The following SLC14A2 variants were observed in gnomAD, a reference collection of about 807,000 sequenced individuals.
SLC14A2 encodes solute carrier family 14 member 2, also known as urea transporter 2.
In SLC14A2, 91 loss-of-function variants were observed where a neutral mutation model predicts 104.6. That is an observed-to-expected ratio of 0.87 (90% CI 0.73 to 1.04). SLC14A2 has a LOEUF of 1.04. SLC14A2 is among the 50% of genes least tolerant of loss of function. The pLI is 0.00. For synonymous variants in SLC14A2, 476 were observed against 466.4 expected (o/e 1.02, Z -0.27); for missense variants, 1,189 against 1,156.0 (o/e 1.03, Z -0.41).
intron 1 of SLC14A2, among the ~76,000 whole-genome samples, chr18:45,451,026 C>T (rs1258646634): frequency 6.6e-6 from 1 of 152,174 alleles, no homozygotes; most frequent in Non-Finnish European, 1.5e-5. Context: ...TCCCAAGAGC[C>T]ATTGGTTTGA....
chr18:45,524,826 C>T (rs1568258779), intron 2 of SLC14A2, among the ~76,000 whole-genome samples: 1 of 152,154 alleles, frequency 6.6e-6, no homozygotes, highest in Non-Finnish European at 1.5e-5. Flanking sequence ...CATGGCCCCA[C>T]CAGCCCCTGC....
intron 1 of SLC14A2, among the ~76,000 whole-genome samples, chr18:45,235,825 A>G (rs546567630): frequency 3.4e-4 from 36 of 106,560 alleles, no homozygotes; most frequent in African/African-American, 1.2e-3. Context: ...ATATATATAT[A>G]TATATACGTG....
intron 2 of SLC14A2, 110 bp downstream of exon 2, chr18:45,624,924 T>C: frequency 8.8e-7 from 1 of 1,133,756 alleles, no homozygotes; most frequent in Non-Finnish European, 1.3e-6. Context: ...ACTGAGGAAG[T>C]GCCACTGTCA....
intron 2 of SLC14A2, among the ~76,000 whole-genome samples, chr18:45,523,706 C>A (rs2043551201): frequency 6.6e-6 from 1 of 152,066 alleles, no homozygotes; most frequent in Non-Finnish European, 1.5e-5. Context: ...ATACATCCTG[C>A]CTGTAACCCT....
chr18:45,650,190 G>C (rs1363565620), intron 10 of SLC14A2, among the ~76,000 whole-genome samples: 5 of 151,866 alleles, frequency 3.3e-5, no homozygotes, highest in African/African-American at 7.3e-5. Flanking sequence ...CCAGGCCAGT[G>C]ATTTAGGTCC....
chr18:45,291,978 G>T (rs531256520), intron 1 of SLC14A2, among the ~76,000 whole-genome samples: 4 of 152,132 alleles, frequency 2.6e-5, no homozygotes, highest in Non-Finnish European at 5.9e-5. Flanking sequence ...TTTCTAAATG[G>T]CTAAGAAGGC....
At chr18:45,297,853 C>T (rs2084931855) in intron 1 of SLC14A2, among the ~76,000 whole-genome samples, 1 of 152,122 alleles carries the variant, frequency 6.6e-6, no homozygotes, top group African/African-American at 2.4e-5. Flanking sequence ...ACGGAACTGA[C>T]CACATGGTTT....
chr18:45,265,820 A>G (rs1227792788), intron 1 of SLC14A2, among the ~76,000 whole-genome samples: 1 of 152,150 alleles, frequency 6.6e-6, no homozygotes, highest in African/African-American at 2.4e-5. Context: ...TGTTTTTAGA[A>G]TTTATTTCAG....
chr18:45,479,298 A>G (rs1489048230), intron 1 of SLC14A2, among the ~76,000 whole-genome samples: 2 of 152,352 alleles, frequency 1.3e-5, no homozygotes, highest in South Asian at 2.1e-4. Flanking sequence ...AAAATGCTCA[A>G]TTAATGTTTG....
the SLC14A2 span, among the ~76,000 whole-genome samples, chr18:45,168,239 C>T: frequency 1.3e-5 from 2 of 152,134 alleles, no homozygotes; most frequent in Admixed American, 1.3e-4. Context: ...AGGTGAGTTG[C>T]TTTAAATCAC....
chr18:45,287,933 G>T (rs899401004), intron 1 of SLC14A2, among the ~76,000 whole-genome samples: 1 of 152,160 alleles, frequency 6.6e-6, no homozygotes. Flanking sequence ...GTCCTAATAT[G>T]CCATCCTAAG....
chr18:45,296,816 C>CTG (rs386802825), intron 1 of SLC14A2, among the ~76,000 whole-genome samples: 28,142 of 152,036 alleles, frequency 0.19, 3,082 homozygotes, highest in African/African-American at 0.3. Flanking sequence ...GTATTTTTCC[C>CTG]AGGGTAGCCG....
intron 1 of SLC14A2, among the ~76,000 whole-genome samples, chr18:45,328,361 G>A (rs2085256524): frequency 6.6e-6 from 1 of 152,138 alleles, no homozygotes; most frequent in African/African-American, 2.4e-5. Flanking sequence ...TCAACCACAG[G>A]GCCAGAGACA....
At chr18:45,405,443 A>G (rs867108867) in intron 1 of SLC14A2, among the ~76,000 whole-genome samples, 6 of 152,216 alleles carry the variant, frequency 3.9e-5, no homozygotes, top group African/African-American at 1.4e-4. Context: ...CCAGGTGACC[A>G]CAATAAAGTG....
chr18:45,434,641 AG>A (rs2086567916), intron 1 of SLC14A2, among the ~76,000 whole-genome samples: 4 of 152,246 alleles, frequency 2.6e-5, no homozygotes, highest in African/African-American at 9.6e-5. Flanking sequence ...ACTAACTGGC[AG>A]CCTGAAGGCA....
Position 45,395,690 on chromosome 18 carries a change from C to A in SLC14A2, c.-124-87543C>A, listed in dbSNP as rs1202164563. On this transcript the variant is annotated intron_variant, in intron 1 of 20. Transcript: ENST00000586448. ...AAGCCAGTTAGAGAAAAATAACAGACTTTACCCACCCACTCAGAGCCCTGC... is the reference window on the plus strand; with the variant it reads ...AAGCCAGTTAGAGAAAAATAACAGAATTTACCCACCCACTCAGAGCCCTGC... 2.0e-5 allele frequency among the ~76,000 whole-genome samples: 3 copies of A among 152,076 alleles called. 1 individual carries two copies. The highest frequency in any genetic ancestry group is 1.3e-4 in the Admixed American group (2 of 15,262).
chr18:45,270,730 A>G (rs993875120), intron 1 of SLC14A2, among the ~76,000 whole-genome samples: 1 of 152,144 alleles, frequency 6.6e-6, no homozygotes, highest in Admixed American at 6.6e-5. Context: ...GGATATTTCT[A>G]TGAGATCTTA....
At chr18:45,490,979 A>C (rs1000268224) in intron 2 of SLC14A2, among the ~76,000 whole-genome samples, 2 of 152,234 alleles carry the variant, frequency 1.3e-5, no homozygotes, top group African/African-American at 4.8e-5. Flanking sequence ...CCAAGTTTTT[A>C]TGGGAAATGG....
chr18:45,340,357 T>C (rs923261699), intron 1 of SLC14A2, among the ~76,000 whole-genome samples: 5 of 152,242 alleles, frequency 3.3e-5, no homozygotes, highest in African/African-American at 1.2e-4. Flanking sequence ...TCATTCCTCC[T>C]GATCGCCCTG....
Sources: allele counts gnomAD v4.1 joint callset (sites outside exome capture counted in the v4.1 genomes callset), GRCh38; gene constraint gnomAD v4.1.1; transcripts MANE v1.5; gene names NCBI Gene and HGNC (gene_info 2026-07-23, HGNC 2026-07-21).